KCND3: variants seen among roughly 807,000 people sequenced by gnomAD.
The protein encoded by KCND3 is potassium voltage-gated channel subfamily D member 3.
A neutral mutation model predicts 51.1 loss-of-function variants in KCND3; 9 were observed. The observed-to-expected ratio is 0.18, with a 90% CI of 0.11 to 0.31. The LOEUF (loss-of-function observed/expected upper bound fraction) is 0.31. Among genes scored for constraint, KCND3 ranks in the 10% least tolerant of loss-of-function variants. The pLI is 1.00. For synonymous variants in KCND3, 349 were observed against 368.0 expected (o/e 0.95, Z 0.59); for missense variants, 526 against 903.8 (o/e 0.58, Z 5.36).
intron 2 of KCND3, among the ~76,000 whole-genome samples, chr1:111,790,899 T>G (rs527464369): frequency 6.6e-6 from 1 of 152,242 alleles, no homozygotes; most frequent in African/African-American, 2.4e-5. Flanking sequence ...AATGTATCAG[T>G]ACTCCATTCC....
chr1:111,926,555 AG>A (rs1671707415), intron 2 of KCND3, among the ~76,000 whole-genome samples: 1 of 152,232 alleles, frequency 6.6e-6, no homozygotes, highest in Non-Finnish European at 1.5e-5. Context: ...TGGTGGTGGC[AG>A]GGAGGGGCTT....
intron 2 of KCND3, among the ~76,000 whole-genome samples, chr1:111,870,280 T>C: frequency 6.6e-6 from 1 of 152,232 alleles, no homozygotes; most frequent in Non-Finnish European, 1.5e-5. Flanking sequence ...ACTCTGTGGA[T>C]TGCCTTGATA....
intron 2 of KCND3, among the ~76,000 whole-genome samples, chr1:111,922,036 TA>T (rs1671496787): frequency 6.6e-6 from 1 of 152,234 alleles, no homozygotes; most frequent in South Asian, 2.1e-4. Flanking sequence ...TCAAGGCAGC[TA>T]AAAAACTCAC....
At chr1:111,796,075 C>A (rs973773881) in intron 2 of KCND3, among the ~76,000 whole-genome samples, 2 of 152,142 alleles carry the variant, frequency 1.3e-5, no homozygotes, top group Non-Finnish European at 2.9e-5. Flanking sequence ...CTTATAGATG[C>A]TAGATATTAA....
At chr1:111,923,752 C>T (rs958615666) in intron 2 of KCND3, among the ~76,000 whole-genome samples, 1 of 152,230 alleles carries the variant, frequency 6.6e-6, no homozygotes, top group African/African-American at 2.4e-5. Flanking sequence ...CTAAGCTCCT[C>T]AGCAGAGGTG....
intron 2 of KCND3, among the ~76,000 whole-genome samples, chr1:111,881,078 G>A (rs1296028883): frequency 6.6e-6 from 1 of 152,158 alleles, no homozygotes; most frequent in Non-Finnish European, 1.5e-5. Flanking sequence ...CAGCCTGGAA[G>A]CCTTGCATGT....
At chr1:111,872,653 A>G (rs981289219) in intron 2 of KCND3, among the ~76,000 whole-genome samples, 1 of 152,184 alleles carries the variant, frequency 6.6e-6, no homozygotes, top group African/African-American at 2.4e-5. Context: ...AGAAAGTGAC[A>G]GAGAAAATGG....
intron 2 of KCND3, among the ~76,000 whole-genome samples, chr1:111,818,425 C>A (rs991771561): frequency 6.6e-6 from 1 of 152,240 alleles, no homozygotes. Flanking sequence ...CTGGAGAGTG[C>A]CCCTTGGCTA....
At chr1:111,792,501 CG>C (rs1205475995) in intron 2 of KCND3, among the ~76,000 whole-genome samples, 1 of 152,156 alleles carries the variant, frequency 6.6e-6, no homozygotes, top group Non-Finnish European at 1.5e-5. Flanking sequence ...GAGGAGTCAG[CG>C]GGAGCTTAGC....
At chr1:111,779,297 C>T (rs558722711) in intron 5 of KCND3, among the ~76,000 whole-genome samples, 1 of 152,130 alleles carries the variant, frequency 6.6e-6, no homozygotes, top group Admixed American at 6.5e-5. Context: ...CCTGTCCCTG[C>T]AGCCCCACAC....
Position 111,982,988 on chromosome 1 carries a change from C to T in KCND3, c.-72-190G>A, listed in dbSNP as rs1675053679. On this transcript the variant is annotated intron_variant, in intron 1 of 7. Coordinates refer to ENST00000302127, the MANE Select transcript of KCND3 (RefSeq NM_001378969.1). The surrounding 1 kb of genome is among the most constrained non-coding windows in gnomAD (Gnocchi z 8.5). ...ATCCAGACACTGGGAGAACACCTAG[C>T]TCCTGGAGCTCGGCAGGGTGGGATC... Among the ~76,000 whole-genome samples the T allele has an allele frequency of 6.6e-6, 1 of 152,158 alleles. No homozygotes were observed. Among genetic ancestry groups the T allele is most frequent in the African/African-American group, 2.4e-5 (1 of 41,456 alleles).
At chr1:111,978,207 A>G (rs1674750245) in intron 2 of KCND3, among the ~76,000 whole-genome samples, 1 of 152,238 alleles carries the variant, frequency 6.6e-6, no homozygotes, top group Admixed American at 6.5e-5. Flanking sequence ...CTGGGAAAGC[A>G]GGCAGAGAGG....
intron 2 of KCND3, among the ~76,000 whole-genome samples, chr1:111,888,802 G>C (rs1298699902): frequency 6.6e-6 from 1 of 151,990 alleles, no homozygotes; most frequent in Non-Finnish European, 1.5e-5. Context: ...GAACAATGGA[G>C]AAGGAGCAGC....
At position 111,954,624 on chromosome 1, in the gene KCND3, A is replaced by G. The variant is rs187206945; in HGVS notation, c.1106+26997T>C. On this transcript the variant is annotated intron_variant, in intron 2 of 7. Transcript: ENST00000302127. Reference sequence around the variant, plus strand: ...CTGCCAGAGTGGGATTCTGGCTGGCATCTGCCTCTAGGGCCCATGGTGTCA... The same window carrying G: ...CTGCCAGAGTGGGATTCTGGCTGGCGTCTGCCTCTAGGGCCCATGGTGTCA... 1.8e-3 allele frequency among the ~76,000 whole-genome samples: 269 copies of G among 152,312 alleles called. 3 individuals are homozygous for G. Among genetic ancestry groups the G allele is most frequent in the African/African-American group, 6.2e-3 (257 of 41,584 alleles).
intron 2 of KCND3, among the ~76,000 whole-genome samples, chr1:111,877,725 G>T (rs1192629919): frequency 6.6e-6 from 1 of 152,206 alleles, no homozygotes; most frequent in Non-Finnish European, 1.5e-5. Flanking sequence ...CTCCTGATAT[G>T]TAGCAGGGGC....
At chr1:111,910,541 G>C (rs750120661) in intron 2 of KCND3, among the ~76,000 whole-genome samples, 2 of 152,198 alleles carry the variant, frequency 1.3e-5, no homozygotes, top group Non-Finnish European at 2.9e-5. Context: ...CAGCAGCTTA[G>C]TCCCTGGGGA....
chr1:111,840,629 G>A (rs866740353), intron 2 of KCND3, among the ~76,000 whole-genome samples: 4 of 152,016 alleles, frequency 2.6e-5, no homozygotes, highest in Admixed American at 2.0e-4. Flanking sequence ...AGGTGGGCAC[G>A]GTTTGTGACT....
intron 2 of KCND3, among the ~76,000 whole-genome samples, chr1:111,834,067 A>G (rs531621996): frequency 6.6e-6 from 1 of 152,314 alleles, no homozygotes; most frequent in East Asian, 1.9e-4. Flanking sequence ...CCACTTGAAG[A>G]GGCCTAATGC....
intron 2 of KCND3, among the ~76,000 whole-genome samples, chr1:111,968,161 C>A (rs1674110395): frequency 6.6e-6 from 1 of 152,166 alleles, no homozygotes; most frequent in East Asian, 1.9e-4. Flanking sequence ...TCTGAGCATG[C>A]CAGCTGGGCT....
Sources: allele counts gnomAD v4.1 joint callset (sites outside exome capture counted in the v4.1 genomes callset), GRCh38; gene constraint gnomAD v4.1.1; non-coding constraint Gnocchi (gnomAD v3.1); transcripts MANE v1.5; gene names NCBI Gene and HGNC (gene_info 2026-07-23, HGNC 2026-07-21).